Variants in PRKCZ observed in about 807,000 individuals in gnomAD.
The protein encoded by PRKCZ is protein kinase C zeta type.
PRKCZ carries 33 observed loss-of-function variants against 79.5 expected under a neutral mutation model. The observed-to-expected ratio is 0.41, with a 90% confidence interval of 0.31 to 0.55. PRKCZ has a LOEUF of 0.55. Ranked by LOEUF, PRKCZ falls within the 20% of genes least tolerant of loss-of-function variation. PRKCZ has a pLI of 0.19. For synonymous variants in PRKCZ, 342 were observed against 320.9 expected (o/e 1.07, Z -0.70); for missense variants, 578 against 813.5 (o/e 0.71, Z 3.52).
At chr1:2,170,895 C>CG (rs1684297823) in intron 11 of PRKCZ, among the ~76,000 whole-genome samples, 1 of 152,224 alleles carries the variant, frequency 6.6e-6, no homozygotes, top group South Asian at 2.1e-4. Flanking sequence ...GTCCATCCCT[C>CG]GGGGGGCACT....
intron 4 of PRKCZ, among the ~76,000 whole-genome samples, chr1:2,106,321 G>C (rs1411392628): frequency 2.0e-5 from 3 of 152,236 alleles, no homozygotes; most frequent in Non-Finnish European, 4.4e-5. Context: ...GAAGTAGAGA[G>C]AATTACATAG....
At chr1:2,101,019 T>TAA (rs3067304) in intron 4 of PRKCZ, among the ~76,000 whole-genome samples, 11 of 133,488 alleles carry the variant, frequency 8.2e-5, no homozygotes, top group African/African-American at 1.1e-4. Flanking sequence ...TTTATTTTGT[T>TAA]AAAAAAAAAA....
chr1:2,076,754 A>G (rs1662497431), intron 4 of PRKCZ, among the ~76,000 whole-genome samples: 1 of 152,206 alleles, frequency 6.6e-6, no homozygotes, highest in African/African-American at 2.4e-5. Flanking sequence ...AAAAAAAAAA[A>G]AAAGGAAAAG....
At position 2,106,432 on chromosome 1, in the gene PRKCZ, GTGT is replaced by G. The variant is rs1188844451; in HGVS notation, c.335-28829_335-28827del. ...CTCTAGTGGGCGAGGACCTCCACAC[GTGT>G]CGCCAGGCCAGGCGACTCTCAGCAA... On this transcript the variant is annotated intron_variant, in intron 4 of 17. Transcript: ENST00000378567. 1.2e-3 allele frequency among the ~76,000 whole-genome samples: 179 copies of G among 151,650 alleles called. 2 individuals are homozygous for G. The highest frequency in any genetic ancestry group is 4.3e-3 in the African/African-American group (178 of 41,158).
At position 2,102,393 on chromosome 1, in the gene PRKCZ, T is replaced by C. The variant is rs578126862; in HGVS notation, c.335-32869T>C. Among the ~76,000 whole-genome samples the C allele has an allele frequency of 1.7e-3, 252 of 151,904 alleles. 1 individual carries two copies. Among genetic ancestry groups the C allele is most frequent in the South Asian group, 0.011 (53 of 4,800 alleles). ...TGCTGCCCAGGCTGGAGTGCAGTGG[T>C]GCAATCTTGGCTCACTGCAAGCCCC... On this transcript the variant is annotated intron_variant, in intron 4 of 17. Transcript: ENST00000378567.
At chr1:2,073,552 G>A (rs1366517365) in intron 4 of PRKCZ, 2 of 896,260 alleles carry the variant, frequency 2.2e-6, no homozygotes, top group East Asian at 1.2e-4. Flanking sequence ...CCCTGCCTGG[G>A]TCTGGCTGCT....
rs180755521 is a variant in PRKCZ at position 2,100,064 on chromosome 1, A to G, written c.335-35198A>G. ...GAGCCTGCAGCCCCTGTCAGATGCC[A>G]GCCATTCCCCAGGTCTTGCTGACAC... On this transcript the variant is annotated intron_variant, in intron 4 of 17. Coordinates refer to ENST00000378567, the MANE Select transcript of PRKCZ (RefSeq NM_002744.6). Among the ~76,000 whole-genome samples the G allele has an allele frequency of 1.3e-5, 2 of 152,254 alleles. 1 individual carries two copies. The highest frequency in any genetic ancestry group is 3.9e-4 in the East Asian group (2 of 5,180).
At chr1:2,110,680 G>T (rs1042380062) in intron 4 of PRKCZ, among the ~76,000 whole-genome samples, 15 of 152,040 alleles carry the variant, frequency 9.9e-5, no homozygotes, top group Non-Finnish European at 1.8e-4. Flanking sequence ...GGTTTGGATC[G>T]GCCTTGGTGA....
In PRKCZ at chr1:2,124,554, G is replaced by C. The variant is rs534716895; in HGVS notation, c.335-10708G>C. 1.8e-3 allele frequency among the ~76,000 whole-genome samples: 276 copies of C among 152,256 alleles called. 1 individual carries two copies. Among genetic ancestry groups the C allele is most frequent in the African/African-American group, 6.3e-3 (260 of 41,530 alleles). ...TGAGCATGAGGCCGCCAGCAAGCAA[G>C]GAGATACCCCGCCCTGCAGGTTCCG... is the stretch of plus-strand genomic sequence containing the variant. On this transcript the variant is annotated intron_variant, in intron 4 of 17. Transcript: ENST00000378567.
At chr1:2,079,403 G>A (rs1048729425) in intron 4 of PRKCZ, among the ~76,000 whole-genome samples, 13 of 152,196 alleles carry the variant, frequency 8.5e-5, no homozygotes, top group Non-Finnish European at 1.3e-4. Context: ...TCCCAGAATC[G>A]CACAGTTTGA....
At chr1:2,059,509 C>T (rs771401812) in intron 3 of PRKCZ, 32 bp from the exon 4 acceptor site, 3 of 1,613,564 alleles carry the variant, frequency 1.9e-6, no homozygotes, top group African/African-American at 2.7e-5. Context: ...GCCGCAGGGT[C>T]TTGACGCTGT....
chr1:2,086,557 C>G (rs1664557369), intron 4 of PRKCZ, among the ~76,000 whole-genome samples: 1 of 152,192 alleles, frequency 6.6e-6, no homozygotes, highest in African/African-American at 2.4e-5. Flanking sequence ...GCTCTGGCAT[C>G]CCCTCGGCCC....
Position 2,082,756 on chromosome 1 carries a change from C to T in PRKCZ, c.334+23165C>T, listed in dbSNP as rs562521418. On this transcript the variant is annotated intron_variant, in intron 4 of 17. Coordinates refer to ENST00000378567, the MANE Select transcript of PRKCZ (RefSeq NM_002744.6). This position sits in a 1 kb window ranked among gnomAD's most constrained non-coding sequence, Gnocchi z 4.4. Reference sequence around the variant, plus strand: ...GGTTCCATTTGTTTTTTTGCCTGAGCGTCCGGGGGTGGCTTTGAGGACACC... The same window carrying T: ...GGTTCCATTTGTTTTTTTGCCTGAGTGTCCGGGGGTGGCTTTGAGGACACC... Among the ~76,000 whole-genome samples the T allele has an allele frequency of 1.5e-4, 22 of 149,596 alleles. No individual in the cohort carries two copies. Among genetic ancestry groups the T allele is most frequent in the Non-Finnish European group, 2.7e-4 (18 of 67,498 alleles).
chr1:2,155,614 G>A (rs1680856823), intron 9 of PRKCZ, among the ~76,000 whole-genome samples: 1 of 150,524 alleles, frequency 6.6e-6, no homozygotes, highest in African/African-American at 2.5e-5. Context: ...GACAGTGACG[G>A]TGATGATGAC....
intron 5 of PRKCZ, among the ~76,000 whole-genome samples, chr1:2,136,649 G>T (rs1676261447): frequency 6.6e-6 from 1 of 152,096 alleles, no homozygotes; most frequent in African/African-American, 2.4e-5. Flanking sequence ...AGGCAGTTTG[G>T]CTCAGGCTGG....
In PRKCZ at chr1:2,093,390, TG is replaced by T. The variant is rs935985263; in HGVS notation, c.334+33803del. On this transcript the variant is annotated intron_variant, in intron 4 of 17. Transcript: ENST00000378567. The stretch of plus-strand genomic sequence containing the variant: ...CAGGTCAGACCGCCGGGGTGTGGAG[TG>T]GGGTGCTTGCCTTTTTCTGCCTGAC... Among the ~76,000 whole-genome samples the T allele has an allele frequency of 7.3e-5, 11 of 151,644 alleles. No individual in the cohort carries two copies. In the East Asian group the frequency reaches 2.0e-3, roughly 27 times the overall value.
chr1:2,106,685 C>CT lies in PRKCZ; in HGVS notation c.335-28576dup, dbSNP rs752829907. On this transcript the variant is annotated intron_variant, in intron 4 of 17. Coordinates refer to ENST00000378567, the MANE Select transcript of PRKCZ (RefSeq NM_002744.6). ...ACGTGTGTCACCAGGCCAGGTAACT[C>CT]TCAGCAAGCCCCTCCGGTGGGCGAG... is the stretch of plus-strand genomic sequence containing the variant. 4.2e-3 allele frequency among the ~76,000 whole-genome samples: 133 copies of CT among 32,002 alleles called. 22 individuals carry two copies. In the East Asian group the frequency reaches 0.057, roughly 14 times the overall value. 21.0% of individuals were successfully genotyped at this position (32,002 alleles called of 152,430 possible).
intron 4 of PRKCZ, among the ~76,000 whole-genome samples, chr1:2,123,637 G>C (rs1163365989): frequency 1.8e-5 from 1 of 56,342 alleles, no homozygotes; most frequent in South Asian, 7.3e-4. Flanking sequence ...CGGTGGTTAG[G>C]GTCACGGTGG....
chr1:2,088,551 C>T (rs1180195856), intron 4 of PRKCZ, among the ~76,000 whole-genome samples: 2 of 152,236 alleles, frequency 1.3e-5, no homozygotes, highest in African/African-American at 4.8e-5. Flanking sequence ...CCATCCCACG[C>T]CCAGAGCGGC....
Sources: allele counts gnomAD v4.1 joint callset (sites outside exome capture counted in the v4.1 genomes callset), GRCh38; gene constraint gnomAD v4.1.1; non-coding constraint Gnocchi (gnomAD v3.1); transcripts MANE v1.5; gene names NCBI Gene and HGNC (gene_info 2026-07-23, HGNC 2026-07-21).